TTC33: variants seen among roughly 807,000 people sequenced by gnomAD.
TTC33 encodes tetratricopeptide repeat protein 33.
In TTC33, 24 loss-of-function variants were observed where a neutral mutation model predicts 29.4. The ratio of observed to expected loss-of-function variants is 0.82; its 90% CI spans 0.59 to 1.15. The LOEUF is 1.15. TTC33 is among the 50% of genes most tolerant of loss of function. The pLI is 0.00. For synonymous variants in TTC33, 107 were observed against 100.3 expected (o/e 1.07, Z -0.40); for missense variants, 286 against 310.4 (o/e 0.92, Z 0.59).
intron 3 of TTC33, among the ~76,000 whole-genome samples, chr5:40,729,516 T>C (rs1742373473): frequency 6.6e-6 from 1 of 152,216 alleles, no homozygotes. Flanking sequence ...ATTAATAAAA[T>C]TGCATCTATG....
intron 4 of TTC33, among the ~76,000 whole-genome samples, chr5:40,717,510 G>A (rs1418150673): frequency 6.6e-6 from 1 of 152,150 alleles, no homozygotes; most frequent in Non-Finnish European, 1.5e-5. Flanking sequence ...ATTTGGCTGA[G>A]TAATTCTTTA....
intron 2 of TTC33, among the ~76,000 whole-genome samples, chr5:40,739,292 G>A (rs1283891028): frequency 6.6e-6 from 1 of 152,150 alleles, no homozygotes; most frequent in African/African-American, 2.4e-5. Context: ...TCAAACGCAA[G>A]CTTGCTGGGA....
chr5:40,749,948 C>T (rs948230910), intron 1 of TTC33, among the ~76,000 whole-genome samples: 8 of 151,860 alleles, frequency 5.3e-5, no homozygotes, highest in Admixed American at 1.3e-4. Context: ...ATTATCCGGG[C>T]GTGGTGGCAT....
At chr5:40,716,609 T>G in intron 4 of TTC33, 111 bp from the exon 5 acceptor site, 1 of 685,858 alleles carries the variant, frequency 1.5e-6, no homozygotes, top group Non-Finnish European at 2.4e-6. Context: ...CCTAATGCAT[T>G]ATCTTAATGT....
intron 1 of TTC33, among the ~76,000 whole-genome samples, chr5:40,748,078 C>T (rs1217818814): frequency 2.0e-5 from 3 of 152,200 alleles, no homozygotes; most frequent in Admixed American, 1.3e-4. Context: ...CCGCCCACCT[C>T]GGCCTCCCAA....
rs1741915512 is a variant in TTC33 at position 40,712,449 on chromosome 5, T to C, written c.*3696A>G. Among the ~76,000 whole-genome samples, 1 of 152,166 alleles carries C rather than the reference T, an allele frequency of 6.6e-6. No homozygotes were observed. The highest frequency in any genetic ancestry group is 1.5e-5 in the Non-Finnish European group (1 of 68,012). ...GAGACACAGACAGATGGAGATTCAA[T>C]ATTTTAAGTTTACTGCTGAAAAAGG... is the stretch of plus-strand genomic sequence containing the variant. On this transcript the variant is annotated 3_prime_UTR_variant, in exon 5 of 5. Coordinates refer to ENST00000337702, the MANE Select transcript of TTC33 (RefSeq NM_012382.3).
At chr5:40,752,336 A>G (rs1410079941) in intron 1 of TTC33, among the ~76,000 whole-genome samples, 1 of 152,256 alleles carries the variant, frequency 6.6e-6, no homozygotes, top group African/African-American at 2.4e-5. Context: ...ATTTCATTGA[A>G]GAACTTTTCC....
At chr5:40,728,284 A>C (rs968692279) in intron 4 of TTC33, 61 bp downstream of exon 4, 1 of 1,030,430 alleles carries the variant, frequency 9.7e-7, no homozygotes. Flanking sequence ...TCCATCTCAA[A>C]AAAAAAAAAA....
chr5:40,741,800 C>A (rs1011607057), intron 2 of TTC33, among the ~76,000 whole-genome samples: 2 of 152,076 alleles, frequency 1.3e-5, no homozygotes, highest in South Asian at 2.1e-4. Context: ...ACCAGCCTGG[C>A]CAATATGGTA....
chr5:40,745,465 G>C (rs1387849268), intron 2 of TTC33, among the ~76,000 whole-genome samples: 1 of 151,886 alleles, frequency 6.6e-6, no homozygotes, highest in East Asian at 1.9e-4. Flanking sequence ...TAGAAAGACA[G>C]GGATAAAGCA....
chr5:40,745,607 C>T (rs1414322792), intron 2 of TTC33, among the ~76,000 whole-genome samples: 1 of 151,818 alleles, frequency 6.6e-6, no homozygotes, highest in Non-Finnish European at 1.5e-5. Context: ...TCATCGTAGC[C>T]TCAACCACTG....
At position 40,728,340 on chromosome 5, in the gene TTC33, C is replaced by T. The variant is rs1742342795; in HGVS notation, c.435+5G>A. ...TTCTGCATTATAATAATCTGACTTC[C>T]TCACCAGGATTATCTCTCCTAAACC... On this transcript the variant is annotated splice_donor_5th_base_variant and intron_variant, in intron 4 of 4. Transcript: ENST00000337702. The T allele has an allele frequency of 6.6e-7, 1 of 1,519,750 alleles. No homozygotes were observed. The highest frequency in any genetic ancestry group is 8.8e-7 in the Non-Finnish European group (1 of 1,130,498). The allele number at this position is 1,519,750 out of a possible 1,614,324, so 94.1% of individuals were successfully genotyped here. A position where few individuals can be genotyped will look rare whatever the true frequency, so the allele number is the denominator to read the frequency against.
intron 2 of TTC33, among the ~76,000 whole-genome samples, chr5:40,744,853 G>C (rs1282646523): frequency 6.6e-6 from 1 of 152,088 alleles, no homozygotes; most frequent in Non-Finnish European, 1.5e-5. Flanking sequence ...GACAGACATA[G>C]GCACAATGTC....
intron 4 of TTC33, among the ~76,000 whole-genome samples, chr5:40,718,744 A>T (rs2111865534): frequency 6.6e-6 from 1 of 151,682 alleles, no homozygotes; most frequent in Admixed American, 6.6e-5. Flanking sequence ...TCTCGAAAAA[A>T]AAAAAAATTA....
chr5:40,724,482 A>C (rs978594981), intron 4 of TTC33, among the ~76,000 whole-genome samples: 2 of 152,024 alleles, frequency 1.3e-5, no homozygotes, highest in African/African-American at 4.8e-5. Context: ...AAATTACAAA[A>C]ATTAGCCAGA....
intron 4 of TTC33, among the ~76,000 whole-genome samples, chr5:40,723,013 A>G (rs1415017344): frequency 6.6e-6 from 1 of 152,226 alleles, no homozygotes; most frequent in East Asian, 1.9e-4. Context: ...AAATGTGGGG[A>G]AAAGGAGAGA....
intron 4 of TTC33, among the ~76,000 whole-genome samples, chr5:40,719,701 C>A (rs938360700): frequency 6.6e-6 from 1 of 152,196 alleles, no homozygotes; most frequent in Non-Finnish European, 1.5e-5. Context: ...CACACCCTCA[C>A]CAACACTTCA....
intron 4 of TTC33, among the ~76,000 whole-genome samples, chr5:40,727,127 T>G (rs763489383): frequency 6.6e-5 from 10 of 152,172 alleles, no homozygotes; most frequent in Non-Finnish European, 1.5e-4. Context: ...GTAGAAATAA[T>G]GATACATTTA....
chr5:40,744,648 T>C (rs1205984096), intron 2 of TTC33, among the ~76,000 whole-genome samples: 3 of 152,220 alleles, frequency 2.0e-5, no homozygotes, highest in Non-Finnish European at 4.4e-5. Context: ...AAGTGTATTC[T>C]GTCCCAAACA....
Sources: gnomAD v4.1 joint callset for allele counts (sites outside exome capture counted in the v4.1 genomes callset) on GRCh38, gnomAD v4.1.1 for gene constraint, MANE v1.5 for transcripts, NCBI Gene and HGNC (gene_info 2026-07-23, HGNC 2026-07-21) for gene names.